The following EML5 variants were observed in gnomAD, a reference collection of about 807,000 sequenced individuals.
EML5 encodes the protein EMAP like 5.
Under a neutral mutation model 250.0 loss-of-function variants are expected in EML5, and 120 were observed. The ratio of observed to expected loss-of-function variants is 0.48; its 90% CI spans 0.41 to 0.56. The LOEUF is 0.56. Ranked by LOEUF, EML5 falls within the 20% of genes least tolerant of loss-of-function variation. The probability of loss-of-function intolerance (pLI) is 0.00; values close to 1 mark genes in which losing one functional copy is unlikely to be tolerated. For synonymous variants in EML5, 771 were observed against 806.5 expected, an observed-to-expected ratio of 0.96 and a Z score of 0.75; for missense variants, 2,006 against 2,437.6, an observed-to-expected ratio of 0.82 and a Z score of 3.73.
intron 33 of EML5, among the ~76,000 whole-genome samples, chr14:88,631,932 C>T (rs1013841172): frequency 1.3e-5 from 2 of 152,144 alleles, no homozygotes; most frequent in African/African-American, 4.8e-5. Context: ...CATTCCCCAC[C>T]TCCTCAATCT....
intron 11 of EML5, 164 bp from the exon 12 acceptor site, chr14:88,705,752 A>G (rs2093306099): frequency 1.5e-6 from 1 of 681,098 alleles, no homozygotes; most frequent in African/African-American, 1.8e-5. Context: ...AGTAAACTGT[A>G]CTACAGATTA....
At chr14:88,666,381 C>G (rs538905417) in intron 21 of EML5, among the ~76,000 whole-genome samples, 1 of 152,068 alleles carries the variant, frequency 6.6e-6, no homozygotes, top group South Asian at 2.1e-4. Flanking sequence ...CATGTGCCAC[C>G]AGGCCTGGCT....
In EML5 at chr14:88,615,996, A is replaced by G. The variant is rs1328579502; in HGVS notation, c.5898-142T>C. 14 of 1,271,142 alleles carry G rather than the reference A, an allele frequency of 1.1e-5. No individual in the cohort carries two copies. In the African/African-American group the frequency reaches 1.9e-4, roughly 18 times the overall value. 78.7% of individuals were successfully genotyped at this position (1,271,142 alleles called of 1,614,324 possible). ...CCTTTTATTCTGTATTTGCATAAAT[A>G]TGAGATTCTGAAGAGCCATCTGGTT... On this transcript the variant is annotated intron_variant, in intron 43 of 43. Coordinates refer to ENST00000554922, the MANE Select transcript of EML5 (RefSeq NM_183387.3).
intron 1 of EML5, among the ~76,000 whole-genome samples, chr14:88,770,117 T>A (rs1208354597): frequency 6.6e-6 from 1 of 152,164 alleles, no homozygotes; most frequent in Non-Finnish European, 1.5e-5. Flanking sequence ...TGTTTCTTTT[T>A]CTCTTTTTAC....
chr14:88,697,728 G>A (rs1250208084), intron 14 of EML5, among the ~76,000 whole-genome samples: 4 of 152,018 alleles, frequency 2.6e-5, no homozygotes, highest in Non-Finnish European at 4.4e-5. Flanking sequence ...TTTTGAGACT[G>A]ATTTATTTAT....
rs770204710 is a variant in EML5 at position 88,706,276 on chromosome 14, A to G, written c.1808T>C (p.Val603Ala). Residue 603 changes from valine (V) to alanine (A), a missense_variant, in exon 11 of 44, where the codon GTT becomes GCT. Val to Ala is a moderately conservative substitution (Grantham distance 64). This residue lies in a region of EML5 where 1,375 missense variants were observed against 1,590.3 expected (regional missense o/e 0.86). Transcript: ENST00000554922. Reference protein sequence around the residue: ...FIPERKLKDAVHIAPQESLAD... With the variant: ...FIPERKLKDAAHIAPQESLAD... ...CTACTCACCTTGGGGTGCTATGTGAACAGCATCTTTCAGTTTTCTTTCAGG... is the reference window on the plus strand; with the variant it reads ...CTACTCACCTTGGGGTGCTATGTGAGCAGCATCTTTCAGTTTTCTTTCAGG... 1.2e-6 allele frequency: 2 copies of G among 1,608,228 alleles called. No homozygotes were observed. Among genetic ancestry groups the G allele is most frequent in the Non-Finnish European group, 1.7e-6 (2 of 1,177,664 alleles).
intron 23 of EML5, among the ~76,000 whole-genome samples, chr14:88,663,607 ATATGAT>A (rs1170087960): frequency 1.3e-5 from 2 of 152,342 alleles, no homozygotes; most frequent in Non-Finnish European, 2.9e-5. Context: ...TCTTTATGTT[ATATGAT>A]TATGACTCTT....
Position 88,615,466 on chromosome 14 carries a change from T to G in EML5, c.*352A>C, listed in dbSNP as rs909170602. ...ATTTTGCTAAAAAGATAATGAAAAT[T>G]ATCCAAATTGGGTTTTTGAGTTCTT... On this transcript the variant is annotated 3_prime_UTR_variant, in exon 44 of 44. Coordinates refer to ENST00000554922, the MANE Select transcript of EML5 (RefSeq NM_183387.3). 7 of 212,492 alleles carry G rather than the reference T, an allele frequency of 3.3e-5. No individual in the cohort carries two copies. Among genetic ancestry groups the G allele is most frequent in the Non-Finnish European group, 6.5e-5 (7 of 107,930 alleles). 13.2% of individuals were successfully genotyped at this position (212,492 alleles called of 1,614,324 possible).
At chr14:88,683,162 TA>T (rs2141184333) in intron 20 of EML5, among the ~76,000 whole-genome samples, 1 of 152,380 alleles carries the variant, frequency 6.6e-6, no homozygotes, top group East Asian at 1.9e-4. Flanking sequence ...AAAAATCTAA[TA>T]AAAAGTAATT....
chr14:88,679,850 T>G (rs1403840234), intron 21 of EML5, among the ~76,000 whole-genome samples: 1 of 152,210 alleles, frequency 6.6e-6, no homozygotes, highest in Non-Finnish European at 1.5e-5. Flanking sequence ...TATATTTTCA[T>G]CATTACTCAG....
Position 88,755,118 on chromosome 14 carries a change from AAAAT to A in EML5, c.198-451_198-448del, listed in dbSNP as rs547903316. ...CACGCCCAGCAGGTAATTTGGATTTAAAATAAATAGCTTCTATAAAAATCCATGC... is the reference window on the plus strand; with the variant it reads ...CACGCCCAGCAGGTAATTTGGATTTAAAATAGCTTCTATAAAAATCCATGC... On this transcript the variant is annotated intron_variant, in intron 1 of 43. Transcript: ENST00000554922. Among the ~76,000 whole-genome samples, 165 of 152,312 alleles carry A rather than the reference AAAAT, an allele frequency of 1.1e-3. 1 individual carries two copies. Among genetic ancestry groups the A allele is most frequent in the African/African-American group, 3.4e-3 (141 of 41,584 alleles).
chr14:88,720,957 T>C (rs1399497279), intron 8 of EML5, among the ~76,000 whole-genome samples: 1 of 152,010 alleles, frequency 6.6e-6, no homozygotes, highest in Non-Finnish European at 1.5e-5. Context: ...TGTGTAAAAG[T>C]CACAAGAATT....
At chr14:88,682,997 T>C (rs2092748823) in intron 20 of EML5, among the ~76,000 whole-genome samples, 1 of 147,280 alleles carries the variant, frequency 6.8e-6, no homozygotes, top group African/African-American at 2.5e-5. Context: ...GCTCCTAATC[T>C]CTTCTCAAAG....
chr14:88,653,721 C>A (rs575744118), intron 27 of EML5, among the ~76,000 whole-genome samples: 2 of 152,262 alleles, frequency 1.3e-5, no homozygotes, highest in South Asian at 4.1e-4. Context: ...AGGACTTTCA[C>A]ATCGATGTTT....
chr14:88,648,632 C>G (rs2091468675), intron 28 of EML5, among the ~76,000 whole-genome samples: 1 of 152,106 alleles, frequency 6.6e-6, no homozygotes, highest in Non-Finnish European at 1.5e-5. Flanking sequence ...GCTGGGATTA[C>G]AGGCATAAAC....
At chr14:88,759,580 A>G (rs2094207691) in intron 1 of EML5, among the ~76,000 whole-genome samples, 1 of 151,102 alleles carries the variant, frequency 6.6e-6, no homozygotes, top group African/African-American at 2.4e-5. Flanking sequence ...GTTATTCAGA[A>G]GGCTGAGGCA....
intron 20 of EML5, among the ~76,000 whole-genome samples, chr14:88,682,938 T>A (rs570980851): frequency 6.6e-6 from 1 of 152,340 alleles, no homozygotes; most frequent in Non-Finnish European, 1.5e-5. Context: ...TCCAGAGCCC[T>A]GGTTCAGAGA....
At chr14:88,639,704 G>T (rs867746669) in intron 31 of EML5, among the ~76,000 whole-genome samples, 20 of 152,218 alleles carry the variant, frequency 1.3e-4, no homozygotes, top group African/African-American at 4.6e-4. Context: ...AGCCTCCCAA[G>T]TAGCTGGGAT....
At position 88,614,094 on chromosome 14, in the gene EML5, T is replaced by C. The variant is rs1436670963; in HGVS notation, c.*1724A>G. 6.6e-6 allele frequency: 1 copy of C among 152,250 alleles called. No homozygotes were observed. Among genetic ancestry groups the C allele is most frequent in the African/African-American group, 2.4e-5 (1 of 41,472 alleles). The allele number at this position is 152,250 out of a possible 1,614,324, so 9.4% of individuals were successfully genotyped here. A position where few individuals can be genotyped will look rare whatever the true frequency, so the allele number is the denominator to read the frequency against. ...TTCTACCTGCACTGTAATGGAAATA[T>C]AATTTCTCTGTAGCCAAAAGCTGGC... On this transcript the variant is annotated 3_prime_UTR_variant, in exon 44 of 44. Transcript: ENST00000554922.
Sources: gnomAD v4.1 joint callset for allele counts (sites outside exome capture counted in the v4.1 genomes callset) on GRCh38, gnomAD v4.1.1 for gene constraint, gnomAD v4.1.1 regional missense constraint, MANE v1.5 for transcripts, NCBI Gene and HGNC (gene_info 2026-07-23, HGNC 2026-07-21) for gene names.